Variants in DTNA observed in about 807,000 individuals in gnomAD.
DTNA encodes dystrobrevin alpha, also known as dystrophin-related protein 3.
Under a neutral mutation model 100.7 loss-of-function variants are expected in DTNA, and 43 were observed. The observed-to-expected ratio is 0.43, with a 90% confidence interval of 0.33 to 0.55. The LOEUF is 0.55. Ranked by LOEUF, DTNA falls within the 20% of genes least tolerant of loss-of-function variation. DTNA has a pLI of 0.04. For synonymous variants in DTNA, 349 were observed against 347.9 expected (o/e 1.00, Z -0.04); for missense variants, 798 against 953.9 (o/e 0.84, Z 2.15).
At chr18:34,820,120 G>A (rs1028421161) in intron 8 of DTNA, among the ~76,000 whole-genome samples, 7 of 152,012 alleles carry the variant, frequency 4.6e-5, no homozygotes, top group South Asian at 4.2e-4. Context: ...GAGGCAGCGT[G>A]ATTCTCTGGA....
chr18:34,618,583 G>A (rs553722429), intron 1 of DTNA, among the ~76,000 whole-genome samples: 8 of 152,102 alleles, frequency 5.3e-5, no homozygotes, highest in African/African-American at 1.4e-4. Context: ...CATTTTTGGG[G>A]GATTATGCCA....
upstream of DTNA, among the ~76,000 whole-genome samples, chr18:34,706,440 C>T (rs1249164937): frequency 6.6e-6 from 1 of 151,924 alleles, no homozygotes; most frequent in Non-Finnish European, 1.5e-5. Flanking sequence ...AGTTTAAAAA[C>T]CAACGTATTT....
intron 1 of DTNA, among the ~76,000 whole-genome samples, chr18:34,740,271 C>T (rs1463246282): frequency 6.6e-6 from 1 of 152,080 alleles, no homozygotes; most frequent in Non-Finnish European, 1.5e-5. Flanking sequence ...CATTGAAGGA[C>T]AGTGAAGTGG....
intron 1 of DTNA, among the ~76,000 whole-genome samples, chr18:34,689,711 C>T (rs549943741): frequency 2.0e-5 from 3 of 152,338 alleles, no homozygotes; most frequent in African/African-American, 7.2e-5. Flanking sequence ...AGCTGGCAGG[C>T]AGAAATGTTT....
chr18:34,606,830 GGGTGAA>G (rs2053218609), intron 1 of DTNA, among the ~76,000 whole-genome samples: 1 of 152,086 alleles, frequency 6.6e-6, no homozygotes, highest in South Asian at 2.1e-4. Flanking sequence ...TGTTATAATA[GGGTGAA>G]CTCTGAGGCT....
At chr18:34,632,598 C>T (rs16965689) in intron 1 of DTNA, among the ~76,000 whole-genome samples, 4,028 of 152,174 alleles carry the variant, frequency 0.026, 185 homozygotes, top group African/African-American at 0.092. Context: ...AGCCCTTTAC[C>T]GGTAAATTTT....
chr18:34,731,738 T>TAG (rs2088288384), intron 1 of DTNA, among the ~76,000 whole-genome samples: 1 of 152,216 alleles, frequency 6.6e-6, no homozygotes, highest in South Asian at 2.1e-4. Flanking sequence ...TCTGTCTTGT[T>TAG]TACCTGTGTG....
chr18:34,559,999 T>C (rs1036722913), intron 1 of DTNA, among the ~76,000 whole-genome samples: 1 of 152,204 alleles, frequency 6.6e-6, no homozygotes, highest in Admixed American at 6.5e-5. Flanking sequence ...AATTTCACCT[T>C]GTTCTTTTTC....
intron 1 of DTNA, among the ~76,000 whole-genome samples, chr18:34,524,866 A>C (rs2509595): frequency 0.65 from 99,361 of 151,962 alleles, 32,950 homozygotes; most frequent in East Asian, 0.9. Flanking sequence ...TAAATTTAAT[A>C]ACTTGTGCAG....
At chr18:34,867,215 TG>T in intron 17 of DTNA, 1 of 1,231,460 alleles carries the variant, frequency 8.1e-7, no homozygotes. Context: ...TGTGTGTTTG[TG>T]TGTAACAAAG....
intron 1 of DTNA, among the ~76,000 whole-genome samples, chr18:34,650,430 A>G (rs1258935450): frequency 1.3e-5 from 2 of 152,102 alleles, no homozygotes; most frequent in African/African-American, 4.8e-5. Flanking sequence ...TGTTTTTCCT[A>G]CTTGTAAACA....
chr18:34,597,549 C>G (rs576818325), intron 1 of DTNA, among the ~76,000 whole-genome samples: 1 of 151,916 alleles, frequency 6.6e-6, no homozygotes, highest in Non-Finnish European at 1.5e-5. Flanking sequence ...ATTAATTGCT[C>G]CCCTACTTAA....
intron 1 of DTNA, among the ~76,000 whole-genome samples, chr18:34,658,545 G>A (rs924260449): frequency 1.3e-5 from 2 of 151,978 alleles, no homozygotes; most frequent in Non-Finnish European, 2.9e-5. Flanking sequence ...GTAGAGATGG[G>A]GTTTTGTCAT....
chr18:34,646,366 A>G (rs2059836692), intron 1 of DTNA, among the ~76,000 whole-genome samples: 1 of 152,228 alleles, frequency 6.6e-6, no homozygotes, highest in South Asian at 2.1e-4. Context: ...CATACAAACA[A>G]TAAGAAACCA....
At position 34,891,231 on chromosome 18, in the gene DTNA, T is replaced by C. The variant is rs1440155302; in HGVS notation, c.*3497T>C. On this transcript the variant is annotated 3_prime_UTR_variant, in exon 23 of 23. Transcript: ENST00000444659. The stretch of plus-strand genomic sequence containing the variant: ...TTGGTATTGTAAAAAAAAAATACTA[T>C]TGTATGGATTTTTGTATTGCTGTTA... 2.6e-5 allele frequency: 4 copies of C among 152,390 alleles called. No homozygotes were observed. Among genetic ancestry groups the C allele is most frequent in the Non-Finnish European group, 4.4e-5 (3 of 68,016 alleles). The allele number at this position is 152,390 out of a possible 1,614,324, so 9.4% of individuals were successfully genotyped here.
At chr18:34,844,198 G>C (rs1246269035) in intron 13 of DTNA, among the ~76,000 whole-genome samples, 1 of 152,092 alleles carries the variant, frequency 6.6e-6, no homozygotes. Context: ...GTTGAAGTCA[G>C]GGTCTCAATA....
At chr18:34,714,196 C>A (rs917252293) in intron 1 of DTNA, among the ~76,000 whole-genome samples, 3 of 151,724 alleles carry the variant, frequency 2.0e-5, no homozygotes, top group African/African-American at 7.3e-5. Context: ...TCTAAAACAC[C>A]AAAAGCAATG....
At chr18:34,675,167 G>A (rs2077247254) in intron 1 of DTNA, among the ~76,000 whole-genome samples, 1 of 151,876 alleles carries the variant, frequency 6.6e-6, no homozygotes, top group South Asian at 2.1e-4. Flanking sequence ...GGGGTTGGGG[G>A]GCAGTAGTCC....
intron 1 of DTNA, among the ~76,000 whole-genome samples, chr18:34,726,489 A>G (rs1254171659): frequency 6.6e-6 from 1 of 152,192 alleles, no homozygotes; most frequent in African/African-American, 2.4e-5. Context: ...TTTGCTTCCA[A>G]CGACAGTAAT....
Sources: gnomAD v4.1 joint callset for allele counts (sites outside exome capture counted in the v4.1 genomes callset) on GRCh38, gnomAD v4.1.1 for gene constraint, MANE v1.5 for transcripts, NCBI Gene and HGNC (gene_info 2026-07-23, HGNC 2026-07-21) for gene names.